Variants in PCDHGB6 observed in about 807,000 individuals in gnomAD.
The protein encoded by PCDHGB6 is protocadherin gamma-B6.
A neutral mutation model predicts 59.1 loss-of-function variants in PCDHGB6; 51 were observed. That is an observed-to-expected ratio of 0.86 (90% CI 0.69 to 1.09). The LOEUF (loss-of-function observed/expected upper bound fraction) is 1.09. Among genes scored for constraint, PCDHGB6 ranks in the 50% least tolerant of loss-of-function variants. PCDHGB6 has a pLI of 0.00. For synonymous variants in PCDHGB6, 466 were observed against 495.1 expected, an observed-to-expected ratio of 0.94 and a Z score of 0.78; for missense variants, 1,148 against 1,205.1, an observed-to-expected ratio of 0.95 and a Z score of 0.70.
At chr5:141,484,795 C>G (rs1265916821) in intron 1 of PCDHGB6, among the ~76,000 whole-genome samples, 1 of 151,902 alleles carries the variant, frequency 6.6e-6, no homozygotes, top group Middle Eastern at 3.4e-3. Flanking sequence ...AGATAACAAC[C>G]CGTGGAAAAA....
intron 1 of PCDHGB6, chr5:141,442,400 C>G (rs1478739190): frequency 6.6e-6 from 1 of 152,224 alleles, no homozygotes; most frequent in Admixed American, 6.5e-5. Context: ...TCCTACGAAT[C>G]CAGGGCTGAG....
At chr5:141,427,371 G>A (rs772247790) in intron 1 of PCDHGB6, 3 of 458,018 alleles carry the variant, frequency 6.5e-6, no homozygotes, top group East Asian at 6.9e-5. Context: ...ACCCTGGACG[G>A]TGATCACTCT....
chr5:141,421,614 T>C (rs552534116), intron 1 of PCDHGB6: 3 of 1,613,810 alleles, frequency 1.9e-6, no homozygotes, highest in South Asian at 2.2e-5. Flanking sequence ...ATATTAATGA[T>C]AACGCCCCCA....
intron 1 of PCDHGB6, among the ~76,000 whole-genome samples, chr5:141,435,445 C>T (rs190910353): frequency 3.9e-5 from 6 of 152,224 alleles, no homozygotes; most frequent in Middle Eastern, 3.4e-3. Flanking sequence ...TTCATTAATA[C>T]GATATCTGTA....
chr5:141,410,517 C>A lies in PCDHGB6; in HGVS notation c.2315C>A (p.Pro772His). 6.2e-7 allele frequency: 1 copy of A among 1,613,926 alleles called. No homozygotes were observed. Among genetic ancestry groups the A allele is most frequent in the Non-Finnish European group, 8.5e-7 (1 of 1,179,882 alleles). ...KEFNFLKCSVPLHSNEDMVCS... is the reference protein window; with the variant it reads ...KEFNFLKCSVHLHSNEDMVCS... Reference sequence around the variant, plus strand: ...TTTAATTTCCTAAAATGCAGTGTGCCCCTACATTCCAATGAAGACATGGTT... The same window carrying A: ...TTTAATTTCCTAAAATGCAGTGTGCACCTACATTCCAATGAAGACATGGTT... The change falls in exon 1 of 4, where the codon CCC becomes CAC. Residue 772 changes from proline to histidine, a missense_variant. Pro to His is a moderately conservative substitution (Grantham distance 77, BLOSUM62 -2). This residue lies in a region of PCDHGB6 where 283 missense variants were observed against 318.6 expected (regional missense o/e 0.89). Coordinates refer to ENST00000520790, the MANE Select transcript of PCDHGB6 (RefSeq NM_018926.3).
intron 1 of PCDHGB6, among the ~76,000 whole-genome samples, chr5:141,454,268 G>A (rs2098785692): frequency 6.6e-6 from 1 of 152,126 alleles, no homozygotes; most frequent in African/African-American, 2.4e-5. Context: ...AGTAATGCCA[G>A]CAAAAACTTC....
intron 1 of PCDHGB6, chr5:141,484,949 A>G: frequency 1.8e-6 from 1 of 557,402 alleles, no homozygotes; most frequent in East Asian, 3.1e-5. Flanking sequence ...TGCTCAGCCT[A>G]TTGGCTGAGC....
chr5:141,434,106 T>C (rs1195019110), intron 1 of PCDHGB6, among the ~76,000 whole-genome samples: 1 of 152,236 alleles, frequency 6.6e-6, no homozygotes, highest in Non-Finnish European at 1.5e-5. Context: ...TGTCCCAGGA[T>C]TGGCCTTTGG....
intron 1 of PCDHGB6, among the ~76,000 whole-genome samples, chr5:141,443,466 A>G (rs1402303157): frequency 6.6e-6 from 1 of 152,184 alleles, no homozygotes; most frequent in East Asian, 1.9e-4. Flanking sequence ...AGTCTGGGTG[A>G]CAGAATTAGA....
At position 141,418,250 on chromosome 5, in the gene PCDHGB6, C is replaced by T. The variant is rs375149538; in HGVS notation, c.2418+7630C>T. ...GATTGAGGATGTTAATGACCACGCC[C>T]CTCAATTCCGGAAAGATGAAATAAA... On this transcript the variant is annotated intron_variant, in intron 1 of 3. Transcript: ENST00000520790. The T allele has an allele frequency of 2.5e-5, 40 of 1,613,876 alleles. No individual in the cohort carries two copies. The African/African-American group carries it at 3.6e-4, about 15-fold the overall frequency.
At chr5:141,410,659 C>T (rs1481225976) in intron 1 of PCDHGB6, 39 bp downstream of exon 1, 5 of 1,571,890 alleles carry the variant, frequency 3.2e-6, no homozygotes, top group Non-Finnish European at 4.3e-6. Flanking sequence ...ATCTAATAGT[C>T]TACTAGTTTC....
In PCDHGB6 at chr5:141,485,935, C is replaced by T. The variant is rs2099621642; in HGVS notation, c.2419-8872C>T. The T allele has an allele frequency of 6.2e-7, 1 of 1,614,026 alleles. No homozygotes were observed. Among genetic ancestry groups the T allele is most frequent in the Non-Finnish European group, 8.5e-7 (1 of 1,180,038 alleles). On this transcript the variant is annotated intron_variant, in intron 1 of 3. Coordinates refer to ENST00000520790, the MANE Select transcript of PCDHGB6 (RefSeq NM_018926.3). The surrounding 1 kb of genome is among the most constrained non-coding windows in gnomAD (Gnocchi z 5.7). Reference sequence around the variant, plus strand: ...GCTACAGGATTAGTGTGTTGGAGAGCGCACCAGCGGGCATGGTGCTCATCC... The same window carrying T: ...GCTACAGGATTAGTGTGTTGGAGAGTGCACCAGCGGGCATGGTGCTCATCC...
At chr5:141,419,889 A>T in intron 1 of PCDHGB6, 1 of 1,614,084 alleles carries the variant, frequency 6.2e-7, no homozygotes, top group Middle Eastern at 1.6e-4. Flanking sequence ...GATTTCAGCG[A>T]CCATCCCACA....
chr5:141,468,300 G>C (rs2099162063), intron 1 of PCDHGB6, among the ~76,000 whole-genome samples: 1 of 146,430 alleles, frequency 6.8e-6, no homozygotes, highest in Non-Finnish European at 1.5e-5. Flanking sequence ...ACCCCAGCCT[G>C]GGCAACAAGA....
At position 141,409,702 on chromosome 5, in the gene PCDHGB6, G is replaced by T. The variant is rs545411022; in HGVS notation, c.1500G>T (p.Ala500=). The T allele has an allele frequency of 1.9e-6, 3 of 1,613,226 alleles. No individual in the cohort carries two copies. The East Asian group carries it at 6.7e-5, about 36-fold the overall frequency. ...SIVASDLEPL[A]VSSYVSVSAQ... ...TGGCGAGTGACCTAGAGCCCCTGGC[G>T]GTGTCGTCATACGTGTCAGTGAGCG... The change falls in exon 1 of 4, where the codon GCG becomes GCT. Residue 500 remains alanine, a synonymous_variant. Coordinates refer to ENST00000520790, the MANE Select transcript of PCDHGB6 (RefSeq NM_018926.3).
rs776773140 is a variant in PCDHGB6, at chr5:141,476,589, G to A, written c.2419-18218G>A. 5 of 1,614,246 alleles carry A rather than the reference G, an allele frequency of 3.1e-6. No individual in the cohort carries two copies. Among genetic ancestry groups the A allele is most frequent in the Non-Finnish European group, 4.2e-6 (5 of 1,180,046 alleles). On this transcript the variant is annotated intron_variant, in intron 1 of 3. Coordinates refer to ENST00000520790, the MANE Select transcript of PCDHGB6 (RefSeq NM_018926.3). This position sits in a 1 kb window ranked among gnomAD's most constrained non-coding sequence, Gnocchi z 7.6. ...CCGGGGACGCGCTTTCCGCTCGAGA[G>A]CGCGCACGATCCCGATGTGGGAAGC...
chr5:141,503,046 G>T (rs1187153008), intron 2 of PCDHGB6, among the ~76,000 whole-genome samples: 1 of 151,658 alleles, frequency 6.6e-6, no homozygotes, highest in Non-Finnish European at 1.5e-5. Flanking sequence ...GTTGAGACAG[G>T]GTTTCACCAT....
In PCDHGB6 at chr5:141,512,859, CAT is replaced by C. The variant is rs1474518602; in HGVS notation, c.*1688_*1689del. 6.6e-6 allele frequency: 1 copy of C among 152,296 alleles called. No homozygotes were observed. The highest frequency in any genetic ancestry group is 1.9e-4 in the East Asian group (1 of 5,200). The allele number at this position is 152,296 out of a possible 1,614,324, so 9.4% of individuals were successfully genotyped here. A position where few individuals can be genotyped will look rare whatever the true frequency, so the allele number is the denominator to read the frequency against. On this transcript the variant is annotated 3_prime_UTR_variant, in exon 4 of 4. Transcript: ENST00000520790. ...CTTCTCCTATAAGCGCTTCTCTTCG[CAT>C]AGTCACGTAGCTCCCACCCCACCCT... is the stretch of plus-strand genomic sequence containing the variant.
chr5:141,413,839 G>T (rs971599906), intron 1 of PCDHGB6: 1 of 1,613,310 alleles, frequency 6.2e-7, no homozygotes, highest in African/African-American at 1.3e-5. Flanking sequence ...CTCCGACGGG[G>T]GTGACCCTCT....
Sources: gnomAD v4.1 joint callset for allele counts (sites outside exome capture counted in the v4.1 genomes callset) on GRCh38, gnomAD v4.1.1 for gene constraint, gnomAD v4.1.1 regional missense constraint, Gnocchi (gnomAD v3.1) non-coding constraint, MANE v1.5 for transcripts, NCBI Gene and HGNC (gene_info 2026-07-23, HGNC 2026-07-21) for gene names.